The following GRIA1 variants were observed in gnomAD, a reference collection of about 807,000 sequenced individuals.
GRIA1 encodes the protein glutamate ionotropic receptor AMPA type subunit 1.
GRIA1 carries 31 observed loss-of-function variants against 99.2 expected under a neutral mutation model. That is an observed-to-expected ratio of 0.31 (90% CI 0.23 to 0.42). The LOEUF is 0.42. Among genes scored for constraint, GRIA1 ranks in the 10% least tolerant of loss-of-function variants. The probability of loss-of-function intolerance (pLI) is 1.00; values close to 1 mark genes in which losing one functional copy is unlikely to be tolerated. For missense variants in GRIA1, 782 were observed against 1,157.5 expected (o/e 0.68, Z 4.71); for synonymous variants, 438 against 432.4 (o/e 1.01, Z -0.16).
chr5:153,616,342 T>C (rs1184545136), intron 2 of GRIA1, among the ~76,000 whole-genome samples: 1 of 152,220 alleles, frequency 6.6e-6, no homozygotes. Context: ...TGATTACTTG[T>C]TTCCCATTAA....
At chr5:153,765,837 T>A (rs1486491218) in intron 12 of GRIA1, among the ~76,000 whole-genome samples, 1 of 152,240 alleles carries the variant, frequency 6.6e-6, no homozygotes, top group Non-Finnish European at 1.5e-5. Context: ...AGATTGTCCC[T>A]ATTTTATAGC....
intron 4 of GRIA1, 21 bp from the exon 5 acceptor site, chr5:153,655,798 T>C: frequency 1.2e-6 from 2 of 1,607,968 alleles, no homozygotes; most frequent in Non-Finnish European, 1.7e-6. Context: ...TTAATGAGTC[T>C]CCACCTATTA....
intron 11 of GRIA1, among the ~76,000 whole-genome samples, chr5:153,717,103 T>A (rs1759719363): frequency 6.6e-6 from 1 of 152,182 alleles, no homozygotes; most frequent in African/African-American, 2.4e-5. Context: ...GGTTATGGTC[T>A]TGCTGATCCA....
At chr5:153,803,781 T>C (rs1209128783) in intron 15 of GRIA1, among the ~76,000 whole-genome samples, 3 of 152,176 alleles carry the variant, frequency 2.0e-5, no homozygotes, top group Non-Finnish European at 4.4e-5. Context: ...GCCTCCAAGC[T>C]CAGTATGCCC....
At chr5:153,762,271 C>T (rs1763235511) in intron 11 of GRIA1, among the ~76,000 whole-genome samples, 1 of 152,056 alleles carries the variant, frequency 6.6e-6, no homozygotes, top group Non-Finnish European at 1.5e-5. Flanking sequence ...CATCACACTC[C>T]ACCCCATAAA....
chr5:153,787,859 T>C (rs1210256140), intron 13 of GRIA1, among the ~76,000 whole-genome samples: 1 of 152,014 alleles, frequency 6.6e-6, no homozygotes, highest in Non-Finnish European at 1.5e-5. Context: ...GGTGGGCAGA[T>C]CACGAGATCA....
At chr5:153,704,167 G>A (rs1293324052) in intron 10 of GRIA1, among the ~76,000 whole-genome samples, 1 of 152,218 alleles carries the variant, frequency 6.6e-6, no homozygotes, top group Non-Finnish European at 1.5e-5. Flanking sequence ...CCCAGACAAT[G>A]AAAGTAACCA....
At chr5:153,708,837 G>T (rs369595292) in intron 11 of GRIA1, among the ~76,000 whole-genome samples, 1 of 152,172 alleles carries the variant, frequency 6.6e-6, no homozygotes, top group African/African-American at 2.4e-5. Flanking sequence ...TGGGAGGAAG[G>T]GTTGGTGACT....
At position 153,764,419 on chromosome 5, in the gene GRIA1, C is replaced by T. The variant is rs770454717; in HGVS notation, c.1824-15C>T. ...GATGTCCATGCTGCTGATGCCTCTT[C>T]CCTTTGGCCTGCAGGTCCCTGTCTG... On this transcript the variant is annotated splice_polypyrimidine_tract_variant and intron_variant, in intron 11 of 15. Coordinates refer to ENST00000285900, the MANE Select transcript of GRIA1 (RefSeq NM_000827.4). The T allele has an allele frequency of 6.2e-7, 1 of 1,606,300 alleles. No individual in the cohort carries two copies. The highest frequency in any genetic ancestry group is 1.7e-5 in the Admixed American group (1 of 60,002).
chr5:153,706,317 A>T (rs900301406), intron 11 of GRIA1: 14 of 518,464 alleles, frequency 2.7e-5, no homozygotes, highest in African/African-American at 3.9e-5. Context: ...CATAATTATG[A>T]CTGATGCGTT....
At chr5:153,534,422 A>T (rs1396574855) in intron 2 of GRIA1, among the ~76,000 whole-genome samples, 2 of 152,230 alleles carry the variant, frequency 1.3e-5, no homozygotes. Context: ...CCTGAAAAAA[A>T]TGTCTAGGGA....
chr5:153,785,023 C>A (rs1203317755), intron 13 of GRIA1, among the ~76,000 whole-genome samples: 4 of 152,146 alleles, frequency 2.6e-5, no homozygotes. Flanking sequence ...AAAATCCACC[C>A]AGAGAAGGTT....
At chr5:153,551,770 A>G (rs1760167062) in intron 2 of GRIA1, among the ~76,000 whole-genome samples, 2 of 152,160 alleles carry the variant, frequency 1.3e-5, no homozygotes, top group Non-Finnish European at 2.9e-5. Flanking sequence ...ATGCTGTGTC[A>G]TAGCCTTGGC....
intron 11 of GRIA1, among the ~76,000 whole-genome samples, chr5:153,760,527 G>A (rs573907403): frequency 1.3e-5 from 2 of 151,724 alleles, no homozygotes; most frequent in African/African-American, 4.8e-5. Context: ...AAATTTAAGA[G>A]GACACAAGCA....
intron 4 of GRIA1, among the ~76,000 whole-genome samples, chr5:153,653,032 CTG>C (rs1216036065): frequency 6.6e-6 from 1 of 152,128 alleles, no homozygotes; most frequent in Non-Finnish European, 1.5e-5. Flanking sequence ...AATTAACTGC[CTG>C]TGTCTGTCTC....
chr5:153,589,789 T>G (rs1034683563), intron 2 of GRIA1, among the ~76,000 whole-genome samples: 6 of 152,112 alleles, frequency 3.9e-5, no homozygotes, highest in African/African-American at 1.4e-4. Flanking sequence ...ACAGAAATAA[T>G]GCATAGTAAA....
chr5:153,637,899 T>G (rs1390381227), intron 2 of GRIA1, among the ~76,000 whole-genome samples: 1 of 152,216 alleles, frequency 6.6e-6, no homozygotes, highest in Non-Finnish European at 1.5e-5. Flanking sequence ...TTATGAGTTA[T>G]TGTTCATTAT....
chr5:153,650,239 G>T, intron 3 of GRIA1, 91 bp from the exon 4 acceptor site: 2 of 1,094,942 alleles, frequency 1.8e-6, no homozygotes, highest in Non-Finnish European at 2.6e-6. Flanking sequence ...GGGTTTGGGG[G>T]TAGCCAGGGG....
chr5:153,517,349 G>A (rs953679902), intron 2 of GRIA1, among the ~76,000 whole-genome samples: 3 of 152,068 alleles, frequency 2.0e-5, no homozygotes, highest in African/African-American at 7.2e-5. Context: ...TCCTCCCCCA[G>A]GGCTTGCTTC....
Sources: allele counts gnomAD v4.1 joint callset (sites outside exome capture counted in the v4.1 genomes callset), GRCh38; gene constraint gnomAD v4.1.1; transcripts MANE v1.5; gene names NCBI Gene and HGNC (gene_info 2026-07-23, HGNC 2026-07-21).